The following RUNX3 variants were observed in gnomAD, a reference collection of about 807,000 sequenced individuals.
The protein encoded by RUNX3 is RUNX family transcription factor 3.
Under a neutral mutation model 27.7 loss-of-function variants are expected in RUNX3, and 10 were observed. That is an observed-to-expected ratio of 0.36 (90% CI 0.22 to 0.61). The LOEUF is 0.61. Ranked by LOEUF, RUNX3 falls within the 20% of genes least tolerant of loss-of-function variation. The pLI is 0.72. For synonymous variants in RUNX3, 270 were observed against 269.2 expected (o/e 1.00, Z -0.03); for missense variants, 469 against 629.5 (o/e 0.75, Z 2.73).
At position 24,902,570 on chromosome 1, in the gene RUNX3, C is replaced by T. The variant is rs1640581651; in HGVS notation, c.800G>A (p.Arg267Lys). 1 of 1,576,692 alleles carries T rather than the reference C, an allele frequency of 6.3e-7. No individual in the cohort carries two copies. Among genetic ancestry groups the T allele is most frequent in the Admixed American group, 1.7e-5 (1 of 57,650 alleles). ...TGACATGGCCCCGGGATAATGCATCCTGGGGTCTGGGAAGCGGCTCTCCGT... is the reference window on the plus strand; with the variant it reads ...TGACATGGCCCCGGGATAATGCATCTTGGGGTCTGGGAAGCGGCTCTCCGT... ...TLTESRFPDP[R>K]MHYPGAMSAA... Residue 267 changes from arginine to lysine, a missense_variant, in exon 5 of 5, where the codon AGG (arginine) becomes AAG (lysine). Physicochemically the swap from Arg to Lys is conservative, Grantham distance 26 (BLOSUM62 2). This residue lies in a region of RUNX3 where 279 missense variants were observed against 343.0 expected (regional missense o/e 0.81). Coordinates refer to ENST00000308873, the MANE Select transcript of RUNX3 (RefSeq NM_004350.3). The surrounding 1 kb of genome is among the most constrained non-coding windows in gnomAD (Gnocchi z 9.2).
chr1:24,914,494 C>G (rs986078233), intron 3 of RUNX3, among the ~76,000 whole-genome samples: 2 of 152,224 alleles, frequency 1.3e-5, no homozygotes, highest in African/African-American at 4.8e-5. Flanking sequence ...CCCCTGTGAG[C>G]AGATGAAAGC....
At chr1:24,939,240 TCACA>T (rs761759348) in intron 2 of RUNX3, among the ~76,000 whole-genome samples, 22 of 152,222 alleles carry the variant, frequency 1.4e-4, no homozygotes, top group Middle Eastern at 3.4e-3. Context: ...ATGTGTGCAC[TCACA>T]CACAGCACCC....
intron 3 of RUNX3, among the ~76,000 whole-genome samples, chr1:24,917,836 G>C (rs1640917700): frequency 6.6e-6 from 1 of 152,186 alleles, no homozygotes; most frequent in Non-Finnish European, 1.5e-5. Flanking sequence ...GGGCTTCCCA[G>C]CCATCACCAC....
intron 3 of RUNX3, among the ~76,000 whole-genome samples, chr1:24,918,803 C>T (rs973685355): frequency 1.3e-5 from 2 of 152,196 alleles, no homozygotes; most frequent in Non-Finnish European, 2.9e-5. Context: ...ACTCAGTTTC[C>T]AAGGAAGAGG....
At chr1:24,934,807 T>C (rs992999133), upstream of RUNX3, among the ~76,000 whole-genome samples, 2 of 152,064 alleles carry the variant, frequency 1.3e-5, no homozygotes, top group Non-Finnish European at 2.9e-5. Context: ...AGAGCTAGCA[T>C]CTAGATACAG....
upstream of RUNX3, among the ~76,000 whole-genome samples, chr1:24,931,880 G>T (rs972201069): frequency 6.6e-6 from 1 of 152,246 alleles, no homozygotes; most frequent in Non-Finnish European, 1.5e-5. Context: ...GAGAGCCTGC[G>T]CCTGGCAGTT....
chr1:24,958,434 C>T (rs956321604), intron 2 of RUNX3, among the ~76,000 whole-genome samples: 5 of 152,164 alleles, frequency 3.3e-5, no homozygotes, highest in African/African-American at 9.7e-5. Context: ...ACCTCAGTTT[C>T]GTCATGTATG....
At position 24,962,936 on chromosome 1, in the gene RUNX3, G is replaced by A. The variant is rs11249209; in HGVS notation, c.58+1578C>T. The stretch of plus-strand genomic sequence containing the variant: ...GGAGAAATACAGATTACAAAGACCC[G>A]GCAAATGGATTTTATAAACTCTTAT... On this transcript the variant is annotated intron_variant, in intron 2 of 6. Transcript: ENST00000338888. The surrounding 1 kb of genome is among the most constrained non-coding windows in gnomAD (Gnocchi z 4.5). 18,623 of 152,234 alleles carry A rather than the reference G, an allele frequency of 0.12. 1,222 individuals carry two copies. Among genetic ancestry groups the A allele is most frequent in the African/African-American group, 0.15 (6,275 of 41,516 alleles). 9.4% of individuals were successfully genotyped at this position (152,234 alleles called of 1,614,324 possible). A position where few individuals can be genotyped will look rare whatever the true frequency, so the allele number is the denominator to read the frequency against.
At chr1:24,939,782 T>C (rs369775837) in intron 2 of RUNX3, among the ~76,000 whole-genome samples, 4 of 152,252 alleles carry the variant, frequency 2.6e-5, no homozygotes, top group African/African-American at 9.6e-5. Flanking sequence ...GTCTTCCTGG[T>C]CCAGAGAAAG....
chr1:24,938,880 C>T (rs1243216394), intron 2 of RUNX3, among the ~76,000 whole-genome samples: 3 of 152,094 alleles, frequency 2.0e-5, no homozygotes, highest in Admixed American at 6.6e-5. Context: ...CTTGGACTTC[C>T]CAGTCTCCAG....
chr1:24,948,567 G>A (rs1460146240), intron 2 of RUNX3, among the ~76,000 whole-genome samples: 6 of 152,060 alleles, frequency 3.9e-5, no homozygotes, highest in African/African-American at 1.4e-4. Flanking sequence ...GGGTGCATGT[G>A]GGGGAGGGCC....
At chr1:24,925,012 A>C (rs893851539) in intron 2 of RUNX3, among the ~76,000 whole-genome samples, 1 of 152,148 alleles carries the variant, frequency 6.6e-6, no homozygotes, top group Non-Finnish European at 1.5e-5. Context: ...CAGAATGTAG[A>C]ACTAAAAATT....
chr1:24,903,790 T>C (rs995648826), intron 4 of RUNX3, among the ~76,000 whole-genome samples: 1 of 152,236 alleles, frequency 6.6e-6, no homozygotes, highest in African/African-American at 2.4e-5. Flanking sequence ...CTGTGTGGCT[T>C]CTGGAGCCGG....
At chr1:24,957,765 C>T (rs1641982160) in intron 2 of RUNX3, among the ~76,000 whole-genome samples, 1 of 152,194 alleles carries the variant, frequency 6.6e-6, no homozygotes, top group Non-Finnish European at 1.5e-5. Flanking sequence ...CCCAACATGC[C>T]TTGAGGGGGT....
Position 24,917,531 on chromosome 1 carries a change from C to G in RUNX3, c.544+1709G>C, listed in dbSNP as rs146732920. On this transcript the variant is annotated intron_variant, in intron 3 of 4. Coordinates refer to ENST00000308873, the MANE Select transcript of RUNX3 (RefSeq NM_004350.3). ...AGGTCCGCAGGGTGGGTGGCATCATCACACTTCATGGAGGAGGGAGCTGAG... is the reference window on the plus strand; with the variant it reads ...AGGTCCGCAGGGTGGGTGGCATCATGACACTTCATGGAGGAGGGAGCTGAG... 7.0e-4 allele frequency among the ~76,000 whole-genome samples: 107 copies of G among 152,262 alleles called. No homozygotes were observed. In the East Asian group the frequency reaches 0.016, roughly 22 times the overall value.
rs1641038406 is a variant in RUNX3 at position 24,923,462 on chromosome 1, TCAG to T, written c.439+4109_439+4111del. ...GAGTCCCAGGCAAACCTGCAATCCA[TCAG>T]GAGCCCAGGAAGTGTAAACCCAGGC... On this transcript the variant is annotated intron_variant, in intron 2 of 4. Coordinates refer to ENST00000308873, the MANE Select transcript of RUNX3 (RefSeq NM_004350.3). This position sits in a 1 kb window ranked among gnomAD's most constrained non-coding sequence, Gnocchi z 5.9. 6.6e-6 allele frequency among the ~76,000 whole-genome samples: 1 copy of T among 152,096 alleles called. No homozygotes were observed. The highest frequency in any genetic ancestry group is 2.1e-4 in the South Asian group (1 of 4,818).
At chr1:24,960,170 G>A (rs752860172) in intron 2 of RUNX3, among the ~76,000 whole-genome samples, 1 of 152,208 alleles carries the variant, frequency 6.6e-6, no homozygotes, top group African/African-American at 2.4e-5. Flanking sequence ...ACACCAGATG[G>A]TGAGCTCTTA....
chr1:24,932,934 T>C (rs902006895), upstream of RUNX3, among the ~76,000 whole-genome samples: 5 of 152,180 alleles, frequency 3.3e-5, no homozygotes, highest in African/African-American at 1.2e-4. Context: ...GACACTCCCC[T>C]ACCCTACCTT....
rs1032882773 is a variant in RUNX3, at chr1:24,962,637, A to G, written c.58+1877T>C. 1.3e-5 allele frequency among the ~76,000 whole-genome samples: 2 copies of G among 152,234 alleles called. No individual in the cohort carries two copies. The highest frequency in any genetic ancestry group is 2.9e-5 in the Non-Finnish European group (2 of 68,030). On this transcript the variant is annotated intron_variant, in intron 2 of 6. Transcript: ENST00000338888. This position sits in a 1 kb window ranked among gnomAD's most constrained non-coding sequence, Gnocchi z 4.5. ...GGAAGGCCCTCGGGCCACAGACCCC[A>G]GATCCAAACATCTCCACAGACCCTA...
Sources: gnomAD v4.1 joint callset for allele counts (sites outside exome capture counted in the v4.1 genomes callset) on GRCh38, gnomAD v4.1.1 for gene constraint, gnomAD v4.1.1 regional missense constraint, Gnocchi (gnomAD v3.1) non-coding constraint, MANE v1.5 for transcripts, NCBI Gene and HGNC (gene_info 2026-07-23, HGNC 2026-07-21) for gene names.